PARVA: variants seen among roughly 807,000 people sequenced by gnomAD.
PARVA encodes the protein alpha-parvin.
In PARVA, 25 loss-of-function variants were observed where a neutral mutation model predicts 52.6. The observed-to-expected ratio is 0.48, with a 90% CI of 0.35 to 0.66. The LOEUF (loss-of-function observed/expected upper bound fraction) is 0.66, where lower values mean the gene tolerates loss of function less well. PARVA is among the 30% of genes least tolerant of loss of function. PARVA has a pLI of 0.01. For missense variants in PARVA, 373 were observed against 450.9 expected, an observed-to-expected ratio of 0.83 and a Z score of 1.56; for synonymous variants, 185 against 179.1, an observed-to-expected ratio of 1.03 and a Z score of -0.26.
chr11:12,484,069 G>C (rs1941124594), intron 4 of PARVA, among the ~76,000 whole-genome samples: 1 of 152,156 alleles, frequency 6.6e-6, no homozygotes, highest in Admixed American at 6.5e-5. Context: ...CCAAAGTTGG[G>C]ACACATTTCC....
At chr11:12,476,182 T>C (rs1941011770) in intron 3 of PARVA, among the ~76,000 whole-genome samples, 1 of 151,906 alleles carries the variant, frequency 6.6e-6, no homozygotes, top group South Asian at 2.1e-4. Flanking sequence ...TTTGAGAGAG[T>C]GAAGGATTGG....
At chr11:12,444,113 C>T (rs1940510764) in intron 1 of PARVA, among the ~76,000 whole-genome samples, 1 of 152,162 alleles carries the variant, frequency 6.6e-6, no homozygotes, top group South Asian at 2.1e-4. Flanking sequence ...CCCAGCATCC[C>T]TTTGCTCATG....
At chr11:12,517,836 C>T (rs1941589697) in intron 11 of PARVA, 125 bp downstream of exon 11, 1 of 674,506 alleles carries the variant, frequency 1.5e-6, no homozygotes, top group Admixed American at 2.3e-5. Flanking sequence ...TCTTCAGTGC[C>T]TGGAGGTGGG....
chr11:12,417,617 A>G (rs1220738841), intron 1 of PARVA, among the ~76,000 whole-genome samples: 2 of 152,142 alleles, frequency 1.3e-5, no homozygotes, highest in Non-Finnish European at 2.9e-5. Context: ...TCAGTAGGAG[A>G]GGAGGATTTT....
intron 1 of PARVA, among the ~76,000 whole-genome samples, chr11:12,471,235 C>G (rs1204967993): frequency 6.6e-6 from 1 of 152,118 alleles, no homozygotes; most frequent in Non-Finnish European, 1.5e-5. Context: ...TTTGAGATCT[C>G]TATTAGTAGA....
chr11:12,381,467 C>T (rs1939485278), intron 1 of PARVA, among the ~76,000 whole-genome samples: 1 of 152,106 alleles, frequency 6.6e-6, no homozygotes, highest in Admixed American at 6.5e-5. Context: ...CTGCTATGTC[C>T]CACTGTAGGA....
In PARVA at chr11:12,466,718, T is replaced by G. The variant is rs542389266; in HGVS notation, c.137-7027T>G. ...AACCGTAGGTCACACAGATTTTCTG[T>G]TTTTTTTTTCTAGAAGTTTTATAGT... is the stretch of plus-strand genomic sequence containing the variant. On this transcript the variant is annotated intron_variant, in intron 1 of 12. Coordinates refer to ENST00000334956, the MANE Select transcript of PARVA (RefSeq NM_018222.5). Among the ~76,000 whole-genome samples, 14 of 136,730 alleles carry G rather than the reference T, an allele frequency of 1.0e-4. No homozygotes were observed. The East Asian group carries it at 2.1e-3, about 21-fold the overall frequency. The allele number at this position is 136,730 out of a possible 152,430, so 89.7% of individuals were successfully genotyped here.
chr11:12,420,018 A>G (rs966112034), intron 1 of PARVA, among the ~76,000 whole-genome samples: 2 of 152,208 alleles, frequency 1.3e-5, no homozygotes, highest in Admixed American at 1.3e-4. Context: ...TATTAATTAT[A>G]AGTTCTGTTC....
intron 1 of PARVA, among the ~76,000 whole-genome samples, chr11:12,378,028 C>T (rs1397741043): frequency 1.3e-5 from 2 of 149,408 alleles, no homozygotes; most frequent in African/African-American, 4.9e-5. Context: ...GCGCTGCCCT[C>T]CTGGGCCGGG....
intron 1 of PARVA, among the ~76,000 whole-genome samples, chr11:12,460,026 A>G (rs1940755471): frequency 6.6e-6 from 1 of 152,058 alleles, no homozygotes; most frequent in African/African-American, 2.4e-5. Flanking sequence ...TCTCCATTAA[A>G]TTTTCTCCTG....
chr11:12,387,604 C>G (rs988694476), intron 1 of PARVA, among the ~76,000 whole-genome samples: 1 of 151,832 alleles, frequency 6.6e-6, no homozygotes. Context: ...CTCATCCCTA[C>G]CCCTAGGAAT....
intron 1 of PARVA, among the ~76,000 whole-genome samples, chr11:12,439,973 GCTTT>G (rs1280171908): frequency 6.6e-6 from 1 of 152,102 alleles, no homozygotes; most frequent in African/African-American, 2.4e-5. Context: ...GCCCTATTCT[GCTTT>G]CTCTTACAAC....
intron 1 of PARVA, among the ~76,000 whole-genome samples, chr11:12,395,440 C>A (rs1426496915): frequency 6.6e-6 from 1 of 152,032 alleles, no homozygotes; most frequent in African/African-American, 2.4e-5. Flanking sequence ...TGGTCAGTGC[C>A]GGGAGAATCG....
At chr11:12,434,661 T>C (rs1268606446) in intron 1 of PARVA, among the ~76,000 whole-genome samples, 1 of 152,176 alleles carries the variant, frequency 6.6e-6, no homozygotes, top group Non-Finnish European at 1.5e-5. Flanking sequence ...CATGAAGACT[T>C]GCTCTCAGCC....
At chr11:12,385,166 T>C (rs998034662) in intron 1 of PARVA, among the ~76,000 whole-genome samples, 5 of 151,954 alleles carry the variant, frequency 3.3e-5, no homozygotes, top group South Asian at 2.1e-4. Flanking sequence ...CGAAACCCCA[T>C]CTCTACAAAA....
chr11:12,456,522 G>T (rs112156228), intron 1 of PARVA, among the ~76,000 whole-genome samples: 1 of 151,864 alleles, frequency 6.6e-6, no homozygotes, highest in African/African-American at 2.4e-5. Flanking sequence ...GTATCTTGTG[G>T]CTCCCCATTG....
chr11:12,438,667 C>T (rs1227308348), intron 1 of PARVA, among the ~76,000 whole-genome samples: 2 of 152,154 alleles, frequency 1.3e-5, no homozygotes, highest in African/African-American at 4.8e-5. Flanking sequence ...TACTTTGTCT[C>T]CAGCTTCATG....
intron 12 of PARVA, among the ~76,000 whole-genome samples, chr11:12,527,422 T>A (rs1431137199): frequency 6.6e-6 from 1 of 152,198 alleles, no homozygotes; most frequent in Middle Eastern, 3.2e-3. Context: ...TCGGAACCTG[T>A]CTGTCCCCCA....
intron 6 of PARVA, among the ~76,000 whole-genome samples, chr11:12,507,317 T>A (rs548625211): frequency 1.3e-5 from 2 of 152,280 alleles, no homozygotes; most frequent in African/African-American, 4.8e-5. Flanking sequence ...GCTTGCTATG[T>A]CACAGCATCC....
Sources: allele counts gnomAD v4.1 joint callset (sites outside exome capture counted in the v4.1 genomes callset), GRCh38; gene constraint gnomAD v4.1.1; transcripts MANE v1.5; gene names NCBI Gene and HGNC (gene_info 2026-07-23, HGNC 2026-07-21).